RFX8: variants seen among roughly 807,000 people sequenced by gnomAD.
RFX8 encodes regulatory factor X8.
In RFX8, 46 loss-of-function variants were observed where a neutral mutation model predicts 54.6. The observed-to-expected ratio is 0.84, with a 90% CI of 0.67 to 1.08. The LOEUF (loss-of-function observed/expected upper bound fraction) is 1.08, where lower values mean the gene tolerates loss of function less well. RFX8 is among the 50% of genes least tolerant of loss of function. The pLI is 0.00. For missense variants in RFX8, 536 were observed against 562.3 expected, an observed-to-expected ratio of 0.95 and a Z score of 0.47; for synonymous variants, 192 against 209.5, an observed-to-expected ratio of 0.92 and a Z score of 0.72.
At chr2:101,460,142 A>T (rs541789707) in intron 2 of RFX8, among the ~76,000 whole-genome samples, 1 of 152,218 alleles carries the variant, frequency 6.6e-6, no homozygotes, top group East Asian at 1.9e-4. Context: ...TTCCAGGTAC[A>T]GTCTGTCATG....
At chr2:101,417,416 G>A in intron 6 of RFX8, 118 bp downstream of exon 6, 2 of 877,700 alleles carry the variant, frequency 2.3e-6, no homozygotes, top group Non-Finnish European at 3.4e-6. Flanking sequence ...ATGTTGCCCG[G>A]GCTGGTCTCA....
chr2:101,434,098 T>C (rs1374610784), intron 2 of RFX8, among the ~76,000 whole-genome samples: 1 of 152,178 alleles, frequency 6.6e-6, no homozygotes, highest in Non-Finnish European at 1.5e-5. Flanking sequence ...GTAAGGTAGA[T>C]AAGAATTATC....
chr2:101,409,360 C>T (rs568606492), intron 9 of RFX8, among the ~76,000 whole-genome samples: 7 of 150,854 alleles, frequency 4.6e-5, no homozygotes, highest in Non-Finnish European at 7.4e-5. Context: ...GTAGCTGGGA[C>T]TACAGGCGCA....
intron 1 of RFX8, among the ~76,000 whole-genome samples, chr2:101,468,985 T>G (rs1689736913): frequency 1.2e-5 from 1 of 86,750 alleles, no homozygotes; most frequent in Admixed American, 1.1e-4. Context: ...TAAGTATATA[T>G]ATATAAGTAT....
At chr2:101,468,811 T>A (rs1022960821) in intron 1 of RFX8, among the ~76,000 whole-genome samples, 1 of 151,334 alleles carries the variant, frequency 6.6e-6, no homozygotes, top group Non-Finnish European at 1.5e-5. Flanking sequence ...CTTCCCAAAA[T>A]CATTGTGGGA....
At chr2:101,467,659 C>G (rs2148995772) in intron 1 of RFX8, among the ~76,000 whole-genome samples, 1 of 152,282 alleles carries the variant, frequency 6.6e-6, no homozygotes, top group East Asian at 1.9e-4. Flanking sequence ...CCAAATGCTC[C>G]TGGTCTGGAG....
At chr2:101,441,481 T>C (rs1033797371) in intron 2 of RFX8, among the ~76,000 whole-genome samples, 5 of 152,196 alleles carry the variant, frequency 3.3e-5, no homozygotes, top group African/African-American at 1.2e-4. Flanking sequence ...TTGGGCCACC[T>C]CGGGACTCTG....
rs373180230 is a variant in RFX8, at chr2:101,401,530, G to T, written c.1245+906C>A. On this transcript the variant is annotated intron_variant, in intron 11 of 11. Transcript: ENST00000428343. Reference sequence around the variant, plus strand: ...AGCACAACTCATCTGTGCGAGAGGGGGAACTTGTGGGCACAAAAAGAAGAA... The same window carrying T: ...AGCACAACTCATCTGTGCGAGAGGGTGAACTTGTGGGCACAAAAAGAAGAA... Among the ~76,000 whole-genome samples, 25 of 152,306 alleles carry T rather than the reference G, an allele frequency of 1.6e-4. No homozygotes were observed. The East Asian group carries it at 2.1e-3, about 13-fold the overall frequency.
In RFX8 at chr2:101,422,422, A is replaced by G; in HGVS notation, c.123T>C (p.Ser41=). The change falls in exon 3 of 12, where the codon TCT becomes TCC. Residue 41 remains serine (S), a synonymous_variant. Coordinates refer to ENST00000428343, the MANE Select transcript of RFX8 (RefSeq NM_001145664.2). Reference sequence around the variant, plus strand: ...CCAGAAATGGACATCTCCTGAATTCAGACAAAGGGGATCCAACTGGGTCTG... The same window carrying G: ...CCAGAAATGGACATCTCCTGAATTCGGACAAAGGGGATCCAACTGGGTCTG... The part of the protein sequence containing the change: ...MKTDPVGSPL[S]EFRRCPFLEQ... 6.4e-7 allele frequency: 1 copy of G among 1,550,434 alleles called. No individual in the cohort carries two copies.
intron 6 of RFX8, among the ~76,000 whole-genome samples, chr2:101,416,450 G>A (rs1052025624): frequency 2.0e-5 from 3 of 152,130 alleles, no homozygotes; most frequent in Non-Finnish European, 2.9e-5. Flanking sequence ...GCGTGGGGTC[G>A]GGAGGAGTGG....
At position 101,428,942 on chromosome 2, in the gene RFX8, T is replaced by C. The variant is rs1028650060; in HGVS notation, c.73-6470A>G. ...CTGGGTCTGTTATAGTAAATCTGTT[T>C]GATTAACACTCACTGTTGCTTCTTG... is the stretch of plus-strand genomic sequence containing the variant. On this transcript the variant is annotated intron_variant, in intron 2 of 11. Coordinates refer to ENST00000428343, the MANE Select transcript of RFX8 (RefSeq NM_001145664.2). 2.6e-5 allele frequency: 39 copies of C among 1,490,972 alleles called. No individual in the cohort carries two copies. In the African/African-American group the frequency reaches 2.6e-4, roughly 10 times the overall value. The allele number at this position is 1,490,972 out of a possible 1,614,324, so 92.4% of individuals were successfully genotyped here.
intron 8 of RFX8, 32 bp downstream of exon 8, chr2:101,412,883 G>A (rs200557571): frequency 7.7e-5 from 119 of 1,537,436 alleles, no homozygotes; most frequent in Admixed American, 3.8e-4. Flanking sequence ...TGCCCAACAC[G>A]CCAATAAAGC....
chr2:101,406,490 C>G (rs1462011697), intron 9 of RFX8, among the ~76,000 whole-genome samples: 2 of 114,396 alleles, frequency 1.7e-5, no homozygotes, highest in African/African-American at 6.8e-5. Flanking sequence ...CACCACTGCA[C>G]ATGACTAATT....
intron 2 of RFX8, among the ~76,000 whole-genome samples, chr2:101,461,120 A>T (rs112810310): frequency 1.3e-5 from 2 of 151,624 alleles, no homozygotes; most frequent in East Asian, 1.9e-4. Context: ...ACAAAAAAAA[A>T]TTGCCGGGCA....
At chr2:101,404,928 C>A (rs564736069) in intron 10 of RFX8, among the ~76,000 whole-genome samples, 3 of 152,310 alleles carry the variant, frequency 2.0e-5, no homozygotes, top group African/African-American at 7.2e-5. Context: ...ATAGGGCTTG[C>A]TTTCTCTTCC....
In RFX8 at chr2:101,415,563, C is replaced by G. The variant is rs17025515; in HGVS notation, c.503-651G>C. Among the ~76,000 whole-genome samples the G allele has an allele frequency of 6.4e-3, 969 of 152,292 alleles. 14 individuals carry two copies. The highest frequency in any genetic ancestry group is 0.022 in the African/African-American group (923 of 41,550). ...TACACTGCTTTCCTTGGAAAATAAT[C>G]AAAGGAAAGGAAAGGATGAAAAGGG... On this transcript the variant is annotated intron_variant, in intron 6 of 11. Coordinates refer to ENST00000428343, the MANE Select transcript of RFX8 (RefSeq NM_001145664.2).
At chr2:101,445,784 G>T (rs1269576015) in intron 2 of RFX8, among the ~76,000 whole-genome samples, 1 of 151,988 alleles carries the variant, frequency 6.6e-6, no homozygotes, top group African/African-American at 2.4e-5. Context: ...GAGAGACCTT[G>T]TTTATCTTAT....
intron 2 of RFX8, among the ~76,000 whole-genome samples, chr2:101,457,334 G>C (rs1689029963): frequency 6.6e-6 from 1 of 152,114 alleles, no homozygotes; most frequent in Non-Finnish European, 1.5e-5. Context: ...GCTTTCTCTT[G>C]TGGGCATTTA....
intron 2 of RFX8, among the ~76,000 whole-genome samples, chr2:101,428,336 C>T (rs1296197370): frequency 6.6e-6 from 1 of 152,200 alleles, no homozygotes; most frequent in Non-Finnish European, 1.5e-5. Context: ...AAGTGGAGCT[C>T]TCATGAATGA....
Sources: gnomAD v4.1 joint callset for allele counts (sites outside exome capture counted in the v4.1 genomes callset) on GRCh38, gnomAD v4.1.1 for gene constraint, MANE v1.5 for transcripts, NCBI Gene and HGNC (gene_info 2026-07-23, HGNC 2026-07-21) for gene names.